CLPTM1: variants seen among roughly 807,000 people sequenced by gnomAD.
CLPTM1 encodes CLPTM1 regulator of GABA type A receptor forward trafficking.
In CLPTM1, 21 loss-of-function variants were observed where a neutral mutation model predicts 77.3. The observed-to-expected ratio is 0.27, with a 90% CI of 0.19 to 0.39. The LOEUF (loss-of-function observed/expected upper bound fraction) is 0.39, where lower values mean the gene tolerates loss of function less well. Ranked by LOEUF, CLPTM1 falls within the 10% of genes least tolerant of loss-of-function variation. The probability of loss-of-function intolerance (pLI) is 1.00; values close to 1 mark genes in which losing one functional copy is unlikely to be tolerated. For missense variants in CLPTM1, 642 were observed against 921.2 expected (o/e 0.70, Z 3.92); for synonymous variants, 373 against 381.0 (o/e 0.98, Z 0.24).
chr19:44,955,346 TCGGGGACGGGGCGGGGCTGGCGGCGGGGG>T, upstream of CLPTM1: 1 of 1,049,990 alleles, frequency 9.5e-7, no homozygotes, highest in Non-Finnish European at 1.2e-6. Context: ...CGCTGCGAAG[TCGGGGACGGGGCGGGGCTGGCGGCGGGGG>T]CGGGGACCCG....
At chr19:44,980,550 C>T (rs2122303536) in intron 5 of CLPTM1, among the ~76,000 whole-genome samples, 1 of 150,928 alleles carries the variant, frequency 6.6e-6, no homozygotes, top group African/African-American at 2.4e-5. Context: ...CCCTTTTATC[C>T]CCAAGAGGCC....
At chr19:44,965,752 T>C (rs1970618533) in intron 2 of CLPTM1, among the ~76,000 whole-genome samples, 1 of 152,198 alleles carries the variant, frequency 6.6e-6, no homozygotes, top group Non-Finnish European at 1.5e-5. Flanking sequence ...AGGCGGAGCT[T>C]ACAGTGAGCC....
chr19:44,991,380 G>A lies in CLPTM1; in HGVS notation c.1555+7G>A, dbSNP rs753136740. On this transcript the variant is annotated splice_region_variant and intron_variant, in intron 12 of 13. Transcript: ENST00000337392. The surrounding 1 kb of genome is among the most constrained non-coding windows in gnomAD (Gnocchi z 5.4). The stretch of plus-strand genomic sequence containing the variant: ...GGCTTCCTGCTGACCTTCGGTGAGC[G>A]GTCCGGCCGCCCCAGGAGAGAGCAG... 6.8e-6 allele frequency: 11 copies of A among 1,610,012 alleles called. No homozygotes were observed. Among genetic ancestry groups the A allele is most frequent in the Middle Eastern group, 1.8e-4 (1 of 5,632 alleles).
chr19:44,963,207 C>CCA (rs1970572307), intron 2 of CLPTM1, among the ~76,000 whole-genome samples: 1 of 29,058 alleles, frequency 3.4e-5, no homozygotes, highest in African/African-American at 1.6e-4. Flanking sequence ...GACTCCATCT[C>CCA]AAAAAAAAAA....
intron 5 of CLPTM1, among the ~76,000 whole-genome samples, chr19:44,984,926 G>A (rs1970954492): frequency 6.6e-6 from 1 of 152,040 alleles, no homozygotes. Context: ...TGACCTCAGG[G>A]GATCTGCCCG....
At chr19:44,980,552 C>T (rs774012557) in intron 5 of CLPTM1, among the ~76,000 whole-genome samples, 51 of 150,524 alleles carry the variant, frequency 3.4e-4, no homozygotes, top group Non-Finnish European at 6.9e-4. Context: ...CTTTTATCCC[C>T]AAGAGGCCAA....
At chr19:44,972,957 A>T in intron 2 of CLPTM1, 130 bp from the exon 3 acceptor site, 1 of 1,289,768 alleles carries the variant, frequency 7.8e-7, no homozygotes, top group Non-Finnish European at 1.1e-6. Flanking sequence ...CTACCTTCTC[A>T]GGGCCTCCCT....
In CLPTM1 at chr19:44,992,490, C is replaced by T. The variant is rs1375010226; in HGVS notation, c.1723+90C>T. 3 of 1,589,820 alleles carry T rather than the reference C, an allele frequency of 1.9e-6. No individual in the cohort carries two copies. Among genetic ancestry groups the T allele is most frequent in the Non-Finnish European group, 2.6e-6 (3 of 1,162,654 alleles). On this transcript the variant is annotated intron_variant, in intron 13 of 13. Coordinates refer to ENST00000337392, the MANE Select transcript of CLPTM1 (RefSeq NM_001294.4). This position sits in a 1 kb window ranked among gnomAD's most constrained non-coding sequence, Gnocchi z 7.7. The stretch of plus-strand genomic sequence containing the variant: ...CAGGCCTGAGGGGGTGCCACGGCCC[C>T]AGATGGGGTGCTCAGTCTGAGGGGG...
At chr19:44,964,757 C>T (rs758800066) in intron 2 of CLPTM1, among the ~76,000 whole-genome samples, 2 of 152,236 alleles carry the variant, frequency 1.3e-5, no homozygotes, top group Non-Finnish European at 2.9e-5. Flanking sequence ...ATTTCTTCCT[C>T]CTTGCAACAC....
At chr19:44,980,714 A>G (rs1036658422) in intron 5 of CLPTM1, among the ~76,000 whole-genome samples, 2 of 151,914 alleles carry the variant, frequency 1.3e-5, no homozygotes, top group African/African-American at 2.4e-5. Flanking sequence ...GCACTTTGGG[A>G]GGCCAAAGTC....
At chr19:44,988,249 C>T in intron 9 of CLPTM1, 76 bp downstream of exon 9, 2 of 1,049,504 alleles carry the variant, frequency 1.9e-6, no homozygotes, top group Non-Finnish European at 1.5e-6. Context: ...CTCCTCCCCT[C>T]CCTCCCCACA....
Position 44,991,372 on chromosome 19 carries a change from C to T in CLPTM1, c.1554C>T (p.Phe518=), listed in dbSNP as rs751995007. The change falls in exon 12 of 14, where the codon TTC becomes TTT. Residue 518 remains phenylalanine (F), a splice_region_variant and synonymous_variant. Transcript: ENST00000337392. The surrounding 1 kb of genome is among the most constrained non-coding windows in gnomAD (Gnocchi z 5.4). ...LSMLYGFLLT[F]GFITMTPQLF... ...TGCTCTACGGCTTCCTGCTGACCTT[C>T]GGTGAGCGGTCCGGCCGCCCCAGGA... 8.0e-5 allele frequency: 129 copies of T among 1,611,580 alleles called. No individual in the cohort carries two copies. Among genetic ancestry groups the T allele is most frequent in the Non-Finnish European group, 1.0e-4 (120 of 1,179,842 alleles).
chr19:44,982,360 A>G (rs1015633477), intron 5 of CLPTM1, among the ~76,000 whole-genome samples: 6 of 145,188 alleles, frequency 4.1e-5, no homozygotes, highest in Admixed American at 1.4e-4. Context: ...AAAAAAAAAA[A>G]GGGTCTAGCG....
chr19:44,974,738 C>T, intron 4 of CLPTM1, 141 bp downstream of exon 4: 1 of 908,842 alleles, frequency 1.1e-6, no homozygotes, highest in East Asian at 2.7e-5. Flanking sequence ...TGGTCTGTGA[C>T]CACAAGCCAG....
upstream of CLPTM1, chr19:44,955,146 A>G (rs1970438260): frequency 3.9e-6 from 6 of 1,535,740 alleles, no homozygotes; most frequent in Non-Finnish European, 4.4e-6. Flanking sequence ...CTGGCCGAGA[A>G]AGTCCTGGAG....
chr19:44,961,726 G>A (rs1399924875), intron 1 of CLPTM1, among the ~76,000 whole-genome samples: 1 of 152,158 alleles, frequency 6.6e-6, no homozygotes, highest in Admixed American at 6.5e-5. Flanking sequence ...AACCCCAGGA[G>A]GACAGCAAAA....
chr19:44,990,324 G>T lies in CLPTM1; in HGVS notation c.1133-71G>T, dbSNP rs1971049141. 1 of 1,521,794 alleles carries T rather than the reference G, an allele frequency of 6.6e-7. No individual in the cohort carries two copies. The highest frequency in any genetic ancestry group is 9.0e-7 in the Non-Finnish European group (1 of 1,112,046). 94.3% of individuals were successfully genotyped at this position (1,521,794 alleles called of 1,614,324 possible). ...GGGTGTGAGGATGCAGGCCAAGGGGGCCTGAGGGAGCTGCAGTAGGGTCTC... is the reference window on the plus strand; with the variant it reads ...GGGTGTGAGGATGCAGGCCAAGGGGTCCTGAGGGAGCTGCAGTAGGGTCTC... On this transcript the variant is annotated intron_variant, in intron 9 of 13. Coordinates refer to ENST00000337392, the MANE Select transcript of CLPTM1 (RefSeq NM_001294.4). This position sits in a 1 kb window ranked among gnomAD's most constrained non-coding sequence, Gnocchi z 4.8.
intron 4 of CLPTM1, among the ~76,000 whole-genome samples, chr19:44,976,914 G>A (rs1970814108): frequency 6.6e-6 from 1 of 152,212 alleles, no homozygotes; most frequent in South Asian, 2.1e-4. Flanking sequence ...AGATTAGGAA[G>A]CTGTTGTCTG....
In CLPTM1 at chr19:44,993,016, C is replaced by T. The variant is rs1279221481; in HGVS notation, c.*119C>T. 1 of 1,286,862 alleles carries T rather than the reference C, an allele frequency of 7.8e-7. No individual in the cohort carries two copies. Among genetic ancestry groups the T allele is most frequent in the Non-Finnish European group, 1.1e-6 (1 of 916,526 alleles). The allele number at this position is 1,286,862 out of a possible 1,614,324, so 79.7% of individuals were successfully genotyped here. A position where few individuals can be genotyped will look rare whatever the true frequency, so the allele number is the denominator to read the frequency against. On this transcript the variant is annotated 3_prime_UTR_variant, in exon 14 of 14. Transcript: ENST00000337392. ...CAGATCAGGCCGGGGCGGTGGGAGG[C>T]CCGCCTCAGGTCAGGGCCCAGCGTG... is the stretch of plus-strand genomic sequence containing the variant.
Sources: allele counts gnomAD v4.1 joint callset (sites outside exome capture counted in the v4.1 genomes callset), GRCh38; gene constraint gnomAD v4.1.1; non-coding constraint Gnocchi (gnomAD v3.1); transcripts MANE v1.5; gene names NCBI Gene and HGNC (gene_info 2026-07-23, HGNC 2026-07-21).